Variants in MICAL2 observed in about 807,000 individuals in gnomAD.
The protein encoded by MICAL2 is [F-actin]-monooxygenase MICAL2.
A neutral mutation model predicts 127.3 loss-of-function variants in MICAL2; 77 were observed. The ratio of observed to expected loss-of-function variants is 0.60; its 90% CI spans 0.50 to 0.73. The LOEUF is 0.73. Ranked by LOEUF, MICAL2 falls within the 30% of genes least tolerant of loss-of-function variation. The probability of loss-of-function intolerance (pLI) is 0.00; values close to 1 mark genes in which losing one functional copy is unlikely to be tolerated. For synonymous variants in MICAL2, 570 were observed against 551.1 expected (o/e 1.03, Z -0.48); for missense variants, 1,351 against 1,434.4 (o/e 0.94, Z 0.94).
intron 2 of MICAL2, among the ~76,000 whole-genome samples, chr11:12,281,819 T>C (rs1863775167): frequency 6.6e-6 from 1 of 152,182 alleles, no homozygotes; most frequent in African/African-American, 2.4e-5. Context: ...TAGCTGTCTT[T>C]AGCAGCCCAG....
chr11:12,261,800 C>T, intron 26 of MICAL2: 26 of 985,602 alleles, frequency 2.6e-5, no homozygotes, highest in Non-Finnish European at 3.0e-5. Context: ...TGGCACTGTT[C>T]TCAGTCCGAT....
chr11:12,313,040 C>T (rs979731112), intron 29 of MICAL2, among the ~76,000 whole-genome samples: 2 of 151,796 alleles, frequency 1.3e-5, no homozygotes, highest in Non-Finnish European at 2.9e-5. Flanking sequence ...GCATGGCGGG[C>T]GCCTGTAGTC....
intron 29 of MICAL2, among the ~76,000 whole-genome samples, chr11:12,304,066 T>A (rs1167244172): frequency 6.6e-6 from 1 of 152,178 alleles, no homozygotes; most frequent in Non-Finnish European, 1.5e-5. Context: ...TGAAATGATA[T>A]GATTTTTGAA....
chr11:12,272,409 C>G (rs553706883), upstream of MICAL2, among the ~76,000 whole-genome samples: 1 of 152,296 alleles, frequency 6.6e-6, no homozygotes, highest in South Asian at 2.1e-4. Flanking sequence ...TGTGAACATG[C>G]CTTATCTCCC....
chr11:12,294,568 G>A (rs552517296), downstream of MICAL2: 18 of 1,614,214 alleles, frequency 1.1e-5, no homozygotes, highest in South Asian at 2.0e-4. Flanking sequence ...AAGTGAGTTT[G>A]CAAGAGAACT....
chr11:12,178,968 G>A (rs1184244480), intron 3 of MICAL2, among the ~76,000 whole-genome samples: 2 of 152,170 alleles, frequency 1.3e-5, no homozygotes, highest in East Asian at 1.9e-4. Flanking sequence ...TTGGTTCAGG[G>A]ACTGGCTGAT....
chr11:12,148,363 G>A (rs934705619), intron 2 of MICAL2, among the ~76,000 whole-genome samples: 1 of 152,140 alleles, frequency 6.6e-6, no homozygotes, highest in Non-Finnish European at 1.5e-5. Flanking sequence ...TAACAAGGAA[G>A]AGAGGGCTGC....
At chr11:12,224,886 A>G (rs1857232720) in intron 13 of MICAL2, 66 bp downstream of exon 13, 2 of 1,529,290 alleles carry the variant, frequency 1.3e-6, no homozygotes, top group African/African-American at 2.8e-5. Context: ...CTGCATGCAG[A>G]ATCTTCATTA....
intron 21 of MICAL2, among the ~76,000 whole-genome samples, chr11:12,247,204 G>A (rs1860874869): frequency 6.6e-6 from 1 of 152,188 alleles, no homozygotes; most frequent in Non-Finnish European, 1.5e-5. Flanking sequence ...GAGGCTGTGT[G>A]CATGTAAACC....
At chr11:12,333,200 A>C (rs1375089141) in intron 32 of MICAL2, among the ~76,000 whole-genome samples, 1 of 152,230 alleles carries the variant, frequency 6.6e-6, no homozygotes, top group Non-Finnish European at 1.5e-5. Flanking sequence ...AAAAGAATAT[A>C]ACAAACACTT....
At chr11:12,356,474 G>A (rs1182236684) in intron 34 of MICAL2, among the ~76,000 whole-genome samples, 1 of 152,184 alleles carries the variant, frequency 6.6e-6, no homozygotes, top group Non-Finnish European at 1.5e-5. Flanking sequence ...CCTTGTGGTG[G>A]CATTAGGACT....
At chr11:12,290,701 T>C (rs984474947), downstream of MICAL2, among the ~76,000 whole-genome samples, 3 of 152,132 alleles carry the variant, frequency 2.0e-5, no homozygotes, top group Admixed American at 6.5e-5. Context: ...CAGAATTACC[T>C]TTTCCCTCCA....
chr11:12,238,349 A>G (rs1201180603), intron 16 of MICAL2, among the ~76,000 whole-genome samples: 1 of 152,232 alleles, frequency 6.6e-6, no homozygotes, highest in Non-Finnish European at 1.5e-5. Flanking sequence ...CAGATGAGCT[A>G]GAGAAATCTT....
At chr11:12,313,050 C>CCG (rs1864191817) in intron 29 of MICAL2, among the ~76,000 whole-genome samples, 2 of 151,722 alleles carry the variant, frequency 1.3e-5, no homozygotes, top group African/African-American at 4.8e-5. Flanking sequence ...CGCCTGTAGT[C>CCG]CCGGCTACTG....
intron 2 of MICAL2, among the ~76,000 whole-genome samples, chr11:12,150,857 T>G (rs1853497794): frequency 6.6e-6 from 1 of 152,192 alleles, no homozygotes; most frequent in Admixed American, 6.5e-5. Flanking sequence ...AACTTTTATG[T>G]GAAAATGTAT....
chr11:12,308,713 T>C (rs1029361835), intron 29 of MICAL2, among the ~76,000 whole-genome samples: 1 of 152,224 alleles, frequency 6.6e-6, no homozygotes, highest in African/African-American at 2.4e-5. Flanking sequence ...CCAGTTTGTA[T>C]ACCTTTTTTT....
At chr11:12,258,949 A>G (rs1299767988) in intron 25 of MICAL2, among the ~76,000 whole-genome samples, 3 of 152,196 alleles carry the variant, frequency 2.0e-5, no homozygotes, top group African/African-American at 4.8e-5. Context: ...TACATTTTCC[A>G]AGTCCTCTCC....
At chr11:12,141,692 C>A (rs1852368270) in intron 2 of MICAL2, among the ~76,000 whole-genome samples, 1 of 152,048 alleles carries the variant, frequency 6.6e-6, no homozygotes, top group African/African-American at 2.4e-5. Flanking sequence ...TCCTTGATGC[C>A]CCAGGGTACC....
Position 12,256,833 on chromosome 11 carries a change from T to G in MICAL2, c.3004T>G (p.Cys1002Gly). The G allele has an allele frequency of 6.2e-7, 1 of 1,614,076 alleles. No individual in the cohort carries two copies. Among genetic ancestry groups the G allele is most frequent in the South Asian group, 1.1e-5 (1 of 91,078 alleles). Residue 1002 changes from cysteine (C) to glycine (G), a missense_variant, in exon 24 of 28, where the codon TGT (cysteine) becomes GGT (glycine). This residue lies in a region of MICAL2 where 752 missense variants were observed against 719.4 expected (regional missense o/e 1.05). Coordinates refer to ENST00000683283, the MANE Select transcript of MICAL2 (RefSeq NM_001282663.2). ...CCTTAACCTGGGAGGCAGCGACACG[T>G]GTTACTTCTGTAAGAAACGTGTGTA... ...FPLNLGGSDT[C>G]YFCKKRVYVM...
Sources: gnomAD v4.1 joint callset for allele counts (sites outside exome capture counted in the v4.1 genomes callset) on GRCh38, gnomAD v4.1.1 for gene constraint, gnomAD v4.1.1 regional missense constraint, MANE v1.5 for transcripts, NCBI Gene and HGNC (gene_info 2026-07-23, HGNC 2026-07-21) for gene names.